DISP3: variants seen among roughly 807,000 people sequenced by gnomAD.
DISP3 encodes the protein protein dispatched homolog 3.
A neutral mutation model predicts 135.3 loss-of-function variants in DISP3; 101 were observed. The ratio of observed to expected loss-of-function variants is 0.75; its 90% CI spans 0.64 to 0.88. The LOEUF is 0.88. Ranked by LOEUF, DISP3 falls within the 40% of genes least tolerant of loss-of-function variation. The pLI is 0.00. For synonymous variants in DISP3, 856 were observed against 817.0 expected, an observed-to-expected ratio of 1.05 and a Z score of -0.81; for missense variants, 1,713 against 1,878.6, an observed-to-expected ratio of 0.91 and a Z score of 1.63.
chr1:11,501,758 T>C lies in DISP3; in HGVS notation c.766T>C (p.Trp256Arg), dbSNP rs368244652. 9.4e-6 allele frequency: 15 copies of C among 1,593,134 alleles called. No individual in the cohort carries two copies. The Middle Eastern group carries it at 5.0e-4, about 53-fold the overall frequency. The change falls in exon 2 of 21, where the codon TGG becomes CGG. Residue 256 changes from tryptophan to arginine, a missense_variant. Trp to Arg is a moderately radical substitution (Grantham distance 101). This residue lies in a region of DISP3 where 571 missense variants were observed against 494.1 expected (regional missense o/e 1.16). Transcript: ENST00000294484. This position sits in a 1 kb window ranked among gnomAD's most constrained non-coding sequence, Gnocchi z 4.9. ...QSRARRGASRWDYSRAYVSAN... is the reference protein window; with the variant it reads ...QSRARRGASRRDYSRAYVSAN... ...CCGTGCCCGCCGAGGCGCCTCGCGC[T>C]GGGACTACTCGCGCGCCTATGTGAG...
chr1:11,534,248 T>C, intron 17 of DISP3, 133 bp from the exon 18 acceptor site: 1 of 1,095,486 alleles, frequency 9.1e-7, no homozygotes, highest in Non-Finnish European at 1.4e-6. Flanking sequence ...CATTTTGGAT[T>C]GAATCGTTGT....
intron 1 of DISP3, among the ~76,000 whole-genome samples, chr1:11,488,786 AGG>A (rs1407638218): frequency 6.6e-6 from 1 of 152,194 alleles, no homozygotes; most frequent in Non-Finnish European, 1.5e-5. Flanking sequence ...CACAGTGAGA[AGG>A]GTACTGAGCT....
In DISP3 at chr1:11,529,933, G is replaced by A. The variant is rs1642533163; in HGVS notation, c.3076G>A (p.Val1026Met). ...GIIGVNRTRQ[V>M]DNHVIGDPGS... Reference sequence around the variant, plus strand: ...TATTGGCGTCAACCGCACTCGGCAGGTGGACAACCACGTCATTGGAGACCC... The same window carrying A: ...TATTGGCGTCAACCGCACTCGGCAGATGGACAACCACGTCATTGGAGACCC... Residue 1026 changes from valine (V) to methionine (M), a missense_variant, in exon 15 of 21, where the codon GTG becomes ATG. Physicochemically the swap from Val to Met is conservative, Grantham distance 21 (BLOSUM62 1). Transcript: ENST00000294484. The surrounding 1 kb of genome is among the most constrained non-coding windows in gnomAD (Gnocchi z 4.7). The A allele has an allele frequency of 1.2e-6, 2 of 1,613,614 alleles. No individual in the cohort carries two copies. Among genetic ancestry groups the A allele is most frequent in the Non-Finnish European group, 8.5e-7 (1 of 1,180,014 alleles).
chr1:11,535,962 C>T (rs1054863693), intron 20 of DISP3, among the ~76,000 whole-genome samples: 3 of 152,162 alleles, frequency 2.0e-5, no homozygotes, highest in Admixed American at 6.5e-5. Flanking sequence ...ACCCAGAGGC[C>T]ACAAGTCTGC....
In DISP3 at chr1:11,535,066, G is replaced by T; in HGVS notation, c.3591G>T (p.Ala1197=). The change falls in exon 19 of 21, where the codon GCG becomes GCT. Residue 1197 remains alanine, a synonymous_variant. Transcript: ENST00000294484. Reference sequence around the variant, plus strand: ...TATCCCTGCTCATCTGCGTGGCCGCGGTGGCCGTGTTCACCACCCACATCC... The same window carrying T: ...TATCCCTGCTCATCTGCGTGGCCGCTGTGGCCGTGTTCACCACCCACATCC... ...LVLSLLICVA[A]VAVFTTHILL... 2 of 1,607,970 alleles carry T rather than the reference G, an allele frequency of 1.2e-6. No homozygotes were observed. The highest frequency in any genetic ancestry group is 1.7e-6 in the Non-Finnish European group (2 of 1,178,326).
chr1:11,530,097 C>G, intron 15 of DISP3, 138 bp downstream of exon 15: 1 of 1,173,166 alleles, frequency 8.5e-7, no homozygotes, highest in South Asian at 1.6e-5. Context: ...CAGACAGAAC[C>G]CCTATGGGCC....
chr1:11,535,537 G>C lies in DISP3; in HGVS notation c.3709G>C (p.Glu1237Gln). The C allele has an allele frequency of 6.2e-7, 1 of 1,613,160 alleles. No homozygotes were observed. Residue 1237 changes from glutamate (E) to glutamine (Q), a missense_variant, in exon 20 of 21, where the codon GAA becomes CAA. Physicochemically the swap from Glu to Gln is conservative, Grantham distance 29. Around this residue, in one of 2 missense-constraint regions of DISP3, gnomAD observed 1,142 missense variants for 1,384.6 expected, o/e 0.82. Transcript: ENST00000294484. Reference protein sequence around the residue: ...YWSGWEMGAVEAISLSILVGS... With the variant: ...YWSGWEMGAVQAISLSILVGS... Reference sequence around the variant, plus strand: ...GAGCGGCTGGGAGATGGGGGCTGTGGAAGCCATCTCCCTGTCCATCCTCGT... The same window carrying C: ...GAGCGGCTGGGAGATGGGGGCTGTGCAAGCCATCTCCCTGTCCATCCTCGT...
At chr1:11,482,375 A>G (rs1336808524) in intron 1 of DISP3, among the ~76,000 whole-genome samples, 1 of 152,188 alleles carries the variant, frequency 6.6e-6, no homozygotes, top group African/African-American at 2.4e-5. Context: ...CCAGGCTCTG[A>G]TGCCAAGAGG....
intron 12 of DISP3, among the ~76,000 whole-genome samples, chr1:11,525,987 A>AT (rs1014428011): frequency 6.6e-5 from 10 of 151,782 alleles, no homozygotes; most frequent in African/African-American, 1.9e-4. Flanking sequence ...TTTATCTTTT[A>AT]TTTTTTGTAG....
intron 13 of DISP3, 52 bp downstream of exon 13, chr1:11,526,887 G>A (rs769506392): frequency 1.9e-6 from 3 of 1,555,256 alleles, no homozygotes; most frequent in African/African-American, 1.4e-5. Flanking sequence ...CTGCTTCTTT[G>A]CCCTTTTCTC....
rs755361319 is a variant in DISP3 at position 11,525,190 on chromosome 1, G to T, written c.2491G>T (p.Val831Leu). The T allele has an allele frequency of 6.2e-6, 10 of 1,613,760 alleles. No homozygotes were observed. The highest frequency in any genetic ancestry group is 8.5e-6 in the Non-Finnish European group (10 of 1,179,814). Residue 831 changes from valine (V) to leucine (L), a missense_variant, in exon 12 of 21, where the codon GTG (valine) becomes TTG (leucine). Physicochemically the swap from Val to Leu is conservative, Grantham distance 32 (BLOSUM62 1). Around this residue, in one of 2 missense-constraint regions of DISP3, gnomAD observed 1,142 missense variants for 1,384.6 expected, o/e 0.82. Transcript: ENST00000294484. ...EATLQDFPGTVYISKVKSQGH... is the reference protein window; with the variant it reads ...EATLQDFPGTLYISKVKSQGH... ...TTTGTCCGTAGATTTCCCAGGCACC[G>T]TGTACATCTCTAAAGTGAAGAGTCA...
intron 3 of DISP3, among the ~76,000 whole-genome samples, chr1:11,507,664 T>G (rs1641745917): frequency 6.6e-6 from 1 of 152,248 alleles, no homozygotes; most frequent in African/African-American, 2.4e-5. Context: ...GGTTCTTTCC[T>G]TTCTGGAGTC....
rs961074313 is a variant in DISP3, at chr1:11,524,055, G to T, written c.2476G>T (p.Asp826Tyr). 1.9e-6 allele frequency: 3 copies of T among 1,603,854 alleles called. No individual in the cohort carries two copies. The highest frequency in any genetic ancestry group is 1.1e-5 in the South Asian group (1 of 90,774). The change falls in exon 11 of 21, where the codon GAT (aspartate) becomes TAT (tyrosine). Residue 826 changes from aspartate to tyrosine, a missense_variant and splice_region_variant. This residue lies in a region of DISP3 where 1,142 missense variants were observed against 1,384.6 expected (regional missense o/e 0.82). Coordinates refer to ENST00000294484, the MANE Select transcript of DISP3 (RefSeq NM_020780.2). Reference sequence around the variant, plus strand: ...TAGCCGGCCTGAGGCCACCCTGCAGGGTGAGCACTGGGGGTGGAGGGTGGG... The same window carrying T: ...TAGCCGGCCTGAGGCCACCCTGCAGTGTGAGCACTGGGGGTGGAGGGTGGG... ...WASRPEATLQDFPGTVYISKV... is the reference protein window; with the variant it reads ...WASRPEATLQYFPGTVYISKV...
At chr1:11,482,339 A>G (rs184418996) in intron 1 of DISP3, among the ~76,000 whole-genome samples, 11 of 152,264 alleles carry the variant, frequency 7.2e-5, no homozygotes, top group African/African-American at 2.4e-4. Flanking sequence ...AAGCAAGTAG[A>G]CTGCCCATGG....
Position 11,526,799 on chromosome 1 carries a change from G to C in DISP3, c.2762G>C (p.Ser921Thr). ...AAGCGGGGCTGGAAGTTTGACTTCA[G>C]CTTCTACGTGGCCACCAAGGAGCAG... ...DAKRGWKFDF[S>T]FYVATKEQQH... The change falls in exon 13 of 21, where the codon AGC becomes ACC. Residue 921 changes from serine to threonine, a missense_variant. By Grantham distance (58) the Ser-to-Thr change is moderately conservative. Around this residue, in one of 2 missense-constraint regions of DISP3, gnomAD observed 1,142 missense variants for 1,384.6 expected, o/e 0.82. Transcript: ENST00000294484. The C allele has an allele frequency of 6.2e-7, 1 of 1,610,388 alleles. No homozygotes were observed. Among genetic ancestry groups the C allele is most frequent in the Non-Finnish European group, 8.5e-7 (1 of 1,179,908 alleles).
intron 1 of DISP3, among the ~76,000 whole-genome samples, chr1:11,497,425 G>A (rs1345609441): frequency 3.4e-5 from 5 of 149,090 alleles, no homozygotes; most frequent in Non-Finnish European, 5.9e-5. Flanking sequence ...TTGCTCTGTC[G>A]TCGCCCAGGC....
chr1:11,515,925 G>A, intron 5 of DISP3, 76 bp from the exon 6 acceptor site: 1 of 1,532,364 alleles, frequency 6.5e-7, no homozygotes, highest in Non-Finnish European at 8.9e-7. Flanking sequence ...ACTCACACTT[G>A]GTCTAGGGCC....
chr1:11,485,749 A>T (rs1337861362), intron 1 of DISP3, among the ~76,000 whole-genome samples: 1 of 152,114 alleles, frequency 6.6e-6, no homozygotes, highest in African/African-American at 2.4e-5. Context: ...AACTTTACAG[A>T]TATGATCTCA....
At position 11,519,929 on chromosome 1, in the gene DISP3, A is replaced by C; in HGVS notation, c.2200+49A>C. ...CCCCTGTCTCACAGCTCCACCCCCA[A>C]AACACACAGGAACTGGGAGCCCACC... On this transcript the variant is annotated intron_variant, in intron 9 of 20. Coordinates refer to ENST00000294484, the MANE Select transcript of DISP3 (RefSeq NM_020780.2). The surrounding 1 kb of genome is among the most constrained non-coding windows in gnomAD (Gnocchi z 4.3). The C allele has an allele frequency of 6.5e-7, 1 of 1,549,274 alleles. No individual in the cohort carries two copies. The highest frequency in any genetic ancestry group is 8.7e-7 in the Non-Finnish European group (1 of 1,143,024).
Sources: gnomAD v4.1 joint callset for allele counts (sites outside exome capture counted in the v4.1 genomes callset) on GRCh38, gnomAD v4.1.1 for gene constraint, gnomAD v4.1.1 regional missense constraint, Gnocchi (gnomAD v3.1) non-coding constraint, MANE v1.5 for transcripts, NCBI Gene and HGNC (gene_info 2026-07-23, HGNC 2026-07-21) for gene names.